The following INPP4A variants were observed in gnomAD, a reference collection of about 807,000 sequenced individuals.
The protein encoded by INPP4A is inositol polyphosphate-4-phosphatase type I A.
A neutral mutation model predicts 119.8 loss-of-function variants in INPP4A; 33 were observed. That is an observed-to-expected ratio of 0.28 (90% CI 0.21 to 0.37). The LOEUF is 0.37. INPP4A is among the 10% of genes least tolerant of loss of function. INPP4A has a pLI of 1.00. For synonymous variants in INPP4A, 496 were observed against 500.7 expected, an observed-to-expected ratio of 0.99 and a Z score of 0.12; for missense variants, 956 against 1,289.9, an observed-to-expected ratio of 0.74 and a Z score of 3.97.
In INPP4A at chr2:98,587,472, C is replaced by A; in HGVS notation, c.2787-4C>A. 6.4e-7 allele frequency: 1 copy of A among 1,560,964 alleles called. No homozygotes were observed. Among genetic ancestry groups the A allele is most frequent in the Non-Finnish European group, 8.6e-7 (1 of 1,156,518 alleles). ...GTCATTTCTTGTGCTTGTTTTTTCC[C>A]CAGTGAGGGTTGTCGAAGAGAAAAT... is the stretch of plus-strand genomic sequence containing the variant. On this transcript the variant is annotated splice_region_variant and splice_polypyrimidine_tract_variant and intron_variant, in intron 24 of 24. Coordinates refer to ENST00000409851, the MANE Select transcript of INPP4A (RefSeq NM_001134225.2).
intron 1 of INPP4A, among the ~76,000 whole-genome samples, chr2:98,493,426 A>ATTTTT (rs371958433): frequency 2.4e-5 from 3 of 123,110 alleles, no homozygotes; most frequent in Admixed American, 8.5e-5. Flanking sequence ...TTCTATTTCT[A>ATTTTT]TTTTTTTTTT....
intron 4 of INPP4A, among the ~76,000 whole-genome samples, chr2:98,530,877 TA>T (rs1009374478): frequency 6.6e-6 from 1 of 152,202 alleles, no homozygotes; most frequent in African/African-American, 2.4e-5. Context: ...CTGGGTGACT[TA>T]AAAAATAGAA....
At chr2:98,550,792 G>A (rs930286271) in intron 13 of INPP4A, among the ~76,000 whole-genome samples, 4 of 152,186 alleles carry the variant, frequency 2.6e-5, no homozygotes, top group African/African-American at 9.7e-5. Context: ...CATGACTTGT[G>A]AGAATACAGG....
intron 17 of INPP4A, 59 bp from the exon 18 acceptor site, chr2:98,563,406 C>A: frequency 6.6e-7 from 1 of 1,507,530 alleles, no homozygotes; most frequent in South Asian, 1.2e-5. Context: ...GTTAAATTGC[C>A]AGAACCTAAT....
intron 1 of INPP4A, among the ~76,000 whole-genome samples, chr2:98,516,803 T>C (rs928234044): frequency 3.3e-5 from 5 of 152,130 alleles, no homozygotes; most frequent in Admixed American, 6.5e-5. Flanking sequence ...CAGTTCCCCA[T>C]GATCACACCC....
chr2:98,521,038 C>T (rs1020574534), intron 4 of INPP4A: 26 of 262,214 alleles, frequency 9.9e-5, no homozygotes, highest in Non-Finnish European at 1.7e-4. Flanking sequence ...CAGAGACCCT[C>T]CCCACCCCCA....
At chr2:98,444,836 C>T (rs975970895), upstream of INPP4A, 2 of 152,194 alleles carry the variant, frequency 1.3e-5, no homozygotes, top group East Asian at 1.9e-4. Context: ...GGGGGCGGGG[C>T]CAGGGCGGGG....
intron 18 of INPP4A, 78 bp from the exon 19 acceptor site, chr2:98,564,562 G>C: frequency 6.4e-7 from 1 of 1,561,188 alleles, no homozygotes; most frequent in East Asian, 2.3e-5. Context: ...AGGGGGCGGT[G>C]GGGGGCTGGG....
rs540496126 is a variant in INPP4A, at chr2:98,586,158, G to A, written c.2787-1318G>A. On this transcript the variant is annotated intron_variant, in intron 24 of 24. Coordinates refer to ENST00000409851, the MANE Select transcript of INPP4A (RefSeq NM_001134225.2). Reference sequence around the variant, plus strand: ...CATCTAGCTGAGGCCTTGAGGCTCCGTGACAAGAAAGCATATCCAAGTTAC... The same window carrying A: ...CATCTAGCTGAGGCCTTGAGGCTCCATGACAAGAAAGCATATCCAAGTTAC... Among the ~76,000 whole-genome samples, 6 of 152,308 alleles carry A rather than the reference G, an allele frequency of 3.9e-5. No homozygotes were observed. The East Asian group carries it at 9.6e-4, about 24-fold the overall frequency.
At chr2:98,491,541 C>T (rs1397846271) in intron 1 of INPP4A, among the ~76,000 whole-genome samples, 2 of 152,176 alleles carry the variant, frequency 1.3e-5, no homozygotes, top group East Asian at 3.8e-4. Flanking sequence ...AAGGTGAGCC[C>T]ATCACAGTGA....
chr2:98,484,707 A>T (rs907115874), intron 1 of INPP4A, among the ~76,000 whole-genome samples: 1 of 152,162 alleles, frequency 6.6e-6, no homozygotes, highest in African/African-American at 2.4e-5. Flanking sequence ...ACATTTTTAT[A>T]CGTGTTCTTT....
intron 1 of INPP4A, among the ~76,000 whole-genome samples, chr2:98,457,978 ATTTTT>A (rs766066774): frequency 4.4e-5 from 6 of 137,142 alleles, no homozygotes; most frequent in South Asian, 2.3e-4. Context: ...TTAAACAAAA[ATTTTT>A]TTTTTTTTTT....
chr2:98,487,363 A>G lies in INPP4A; in HGVS notation c.-165-31601A>G, dbSNP rs182303741. On this transcript the variant is annotated intron_variant, in intron 1 of 24. Transcript: ENST00000409851. ...TTTCCTTGTTTTTGATGACCTTGAC[A>G]GTGTTTAGAGACAGAATCAATTTTT... 5.9e-5 allele frequency among the ~76,000 whole-genome samples: 9 copies of G among 152,224 alleles called. No individual in the cohort carries two copies. The East Asian group carries it at 1.7e-3, about 29-fold the overall frequency.
Position 98,460,100 on chromosome 2 carries a change from C to CGTGTGTGTGT in INPP4A, c.-166+15038_-166+15047dup, listed in dbSNP as rs3066275. On this transcript the variant is annotated intron_variant, in intron 1 of 24. Transcript: ENST00000409851. ...GTGCCACACCTTTGGGTTTGGTCAT[C>CGTGTGTGTGT]GTGTGTGTGTGTGTGTGTGTGTGTG... Among the ~76,000 whole-genome samples the CGTGTGTGTGT allele has an allele frequency of 5.4e-3, 792 of 147,094 alleles. 12 individuals carry two copies. Among genetic ancestry groups the CGTGTGTGTGT allele is most frequent in the African/African-American group, 0.019 (756 of 39,748 alleles).
intron 1 of INPP4A, among the ~76,000 whole-genome samples, chr2:98,467,478 CTG>C (rs1459686181): frequency 2.0e-5 from 3 of 152,198 alleles, no homozygotes; most frequent in African/African-American, 7.2e-5. Context: ...GCTGTTAAGA[CTG>C]TGAAGCTGTC....
At chr2:98,456,743 T>G (rs1696208441) in intron 1 of INPP4A, among the ~76,000 whole-genome samples, 1 of 152,262 alleles carries the variant, frequency 6.6e-6, no homozygotes, top group African/African-American at 2.4e-5. Context: ...TTACAAATAG[T>G]GTTCAACCAT....
intron 8 of INPP4A, 73 bp downstream of exon 8, chr2:98,538,047 G>A (rs952348625): frequency 1.6e-5 from 16 of 1,003,182 alleles, no homozygotes; most frequent in African/African-American, 1.3e-4. Flanking sequence ...CAGCCCTCGT[G>A]GACTTAGCCT....
chr2:98,505,964 A>G (rs548740145), intron 1 of INPP4A, among the ~76,000 whole-genome samples: 51 of 152,346 alleles, frequency 3.3e-4, no homozygotes, highest in African/African-American at 1.2e-3. Flanking sequence ...AACAATAACA[A>G]TATTTCTTCG....
intron 5 of INPP4A, among the ~76,000 whole-genome samples, chr2:98,534,970 C>T (rs1170331298): frequency 6.6e-6 from 1 of 152,126 alleles, no homozygotes; most frequent in African/African-American, 2.4e-5. Context: ...TAGCCAAGGG[C>T]AGGTGGAGGG....
Sources: allele counts gnomAD v4.1 joint callset (sites outside exome capture counted in the v4.1 genomes callset), GRCh38; gene constraint gnomAD v4.1.1; transcripts MANE v1.5; gene names NCBI Gene and HGNC (gene_info 2026-07-23, HGNC 2026-07-21).